Variants in BRSK1 observed in about 807,000 individuals in gnomAD.
The protein encoded by BRSK1 is serine/threonine-protein kinase BRSK1.
A neutral mutation model predicts 86.2 loss-of-function variants in BRSK1; 17 were observed. The observed-to-expected ratio is 0.20, with a 90% CI of 0.14 to 0.30. The LOEUF (loss-of-function observed/expected upper bound fraction) is 0.30, where lower values mean the gene tolerates loss of function less well. Among genes scored for constraint, BRSK1 ranks in the 10% least tolerant of loss-of-function variants. The pLI, the probability that BRSK1 is intolerant of heterozygous loss-of-function variation, is 1.00. For synonymous variants in BRSK1, 464 were observed against 440.1 expected (o/e 1.05, Z -0.68); for missense variants, 719 against 1,071.9 (o/e 0.67, Z 4.60).
At position 55,311,924 on chromosome 19, in the gene BRSK1, G is replaced by A. The variant is rs200101706; in HGVS notation, c.2193G>A (p.Gly731=). 2.5e-6 allele frequency: 4 copies of A among 1,611,696 alleles called. No homozygotes were observed. Among genetic ancestry groups the A allele is most frequent in the Non-Finnish European group, 1.7e-6 (2 of 1,179,190 alleles). The change falls in exon 19 of 19, where the codon GGG becomes GGA. Residue 731 remains glycine, a synonymous_variant. Transcript: ENST00000309383. ...SVQALADEKN[G]AQTRPAGAPP... The stretch of plus-strand genomic sequence containing the variant: ...CCTCCCTTGCAGACGAGAAGAACGG[G>A]GCCCAGACCCGGCCTGCTGGTGCCC...
intron 3 of BRSK1, 22 bp from the exon 4 acceptor site, chr19:55,289,458 C>T (rs1051502760): frequency 6.2e-7 from 1 of 1,605,252 alleles, no homozygotes; most frequent in Non-Finnish European, 8.5e-7. Context: ...TTCCAGCCCT[C>T]TGCCCCCTCT....
At chr19:55,307,246 AT>A (rs2088665304) in intron 17 of BRSK1, among the ~76,000 whole-genome samples, 1 of 152,044 alleles carries the variant, frequency 6.6e-6, no homozygotes. Context: ...ATGACTCTTT[AT>A]TTTTCTGTCC....
Position 55,301,422 on chromosome 19 carries a change from T to G in BRSK1, c.679-90T>G, listed in dbSNP as rs2088567811. 2.7e-6 allele frequency: 4 copies of G among 1,478,476 alleles called. No individual in the cohort carries two copies. The African/African-American group carries it at 5.5e-5, about 20-fold the overall frequency. 91.6% of individuals were successfully genotyped at this position (1,478,476 alleles called of 1,614,324 possible). A position where few individuals can be genotyped will look rare whatever the true frequency, so the allele number is the denominator to read the frequency against. ...CTCTGTGCCTCAGTTTCCAACCCCT[T>G]AAGGTGGAGATCACCGTAGTTCCCC... On this transcript the variant is annotated intron_variant, in intron 7 of 18. Coordinates refer to ENST00000309383, the MANE Select transcript of BRSK1 (RefSeq NM_032430.2).
chr19:55,293,176 A>G (rs1436133412), intron 4 of BRSK1, among the ~76,000 whole-genome samples: 1 of 151,874 alleles, frequency 6.6e-6, no homozygotes, highest in African/African-American at 2.4e-5. Context: ...CCTGGCCAAC[A>G]TGGTGAAACT....
rs1166373709 is a variant in BRSK1, at chr19:55,304,555, C to G, written c.1352C>G (p.Pro451Arg). The G allele has an allele frequency of 3.8e-6, 6 of 1,581,348 alleles. No individual in the cohort carries two copies. In the Admixed American group the frequency reaches 1.1e-4, roughly 29 times the overall value. The part of the protein sequence containing the change: ...SSSPLSSPRS[P>R]VFSFSPEPGA... ...TCAGTCTCCTGTCCTCTGCAGAGTC[C>G]GGTCTTTTCCTTTTCACCGGAGCCG... The change falls in exon 14 of 19, where the codon CCG becomes CGG. Residue 451 changes from proline (P) to arginine (R), a missense_variant. Physicochemically the swap from Pro to Arg is moderately radical, Grantham distance 103. Coordinates refer to ENST00000309383, the MANE Select transcript of BRSK1 (RefSeq NM_032430.2). The surrounding 1 kb of genome is among the most constrained non-coding windows in gnomAD (Gnocchi z 5.2).
chr19:55,304,054 C>T lies in BRSK1; in HGVS notation c.1291C>T (p.Arg431Cys), dbSNP rs1262439727. Residue 431 changes from arginine to cysteine, a missense_variant, in exon 13 of 19, where the codon CGT becomes TGT. Coordinates refer to ENST00000309383, the MANE Select transcript of BRSK1 (RefSeq NM_032430.2). The surrounding 1 kb of genome is among the most constrained non-coding windows in gnomAD (Gnocchi z 5.2). ...TTAAATCTATCCTGGAAACAGATCC[C>T]GTAGCGTCAGTGGAGCCTCCACGGG... is the stretch of plus-strand genomic sequence containing the variant. ...LEMAQHSQRS[R>C]SVSGASTGLS... is the part of the protein sequence containing the mutation. 1.9e-6 allele frequency: 3 copies of T among 1,610,652 alleles called. No homozygotes were observed. Among genetic ancestry groups the T allele is most frequent in the Admixed American group, 1.7e-5 (1 of 59,414 alleles).
chr19:55,284,894 G>A (rs1035624136), intron 1 of BRSK1, among the ~76,000 whole-genome samples: 4 of 150,664 alleles, frequency 2.7e-5, no homozygotes, highest in African/African-American at 9.8e-5. Context: ...AGGGCCTGGG[G>A]GTCTGGACTC....
At position 55,304,924 on chromosome 19, in the gene BRSK1, TG is replaced by T; in HGVS notation, c.1717+9del. 1 of 1,606,358 alleles carries T rather than the reference TG, an allele frequency of 6.2e-7. No individual in the cohort carries two copies. On this transcript the variant is annotated splice_donor_5th_base_variant and intron_variant, in intron 14 of 18. Coordinates refer to ENST00000309383, the MANE Select transcript of BRSK1 (RefSeq NM_032430.2). This position sits in a 1 kb window ranked among gnomAD's most constrained non-coding sequence, Gnocchi z 5.2. ...TTTCACCGGCGCAAGATGCAGGGTA[TG>T]GGGGCATGAACTGCCGAGTCCTAAT...
chr19:55,288,653 T>G (rs2122935368), intron 3 of BRSK1, among the ~76,000 whole-genome samples: 1 of 152,044 alleles, frequency 6.6e-6, no homozygotes, highest in Non-Finnish European at 1.5e-5. Flanking sequence ...TGGCTCGATC[T>G]CGGCTCACCA....
intron 17 of BRSK1, among the ~76,000 whole-genome samples, chr19:55,307,715 C>T (rs921818923): frequency 1.4e-5 from 2 of 144,748 alleles, no homozygotes; most frequent in Admixed American, 7.1e-5. Context: ...ACATAATGGA[C>T]CTCATCTCTA....
intron 18 of BRSK1, 44 bp downstream of exon 18, chr19:55,308,772 G>A (rs2088710696): frequency 7.7e-6 from 2 of 261,260 alleles, no homozygotes; most frequent in Middle Eastern, 1.2e-3. Flanking sequence ...GGGTGGCGGG[G>A]GCCGTGGGTG....
intron 18 of BRSK1, 152 bp from the exon 19 acceptor site, chr19:55,311,759 G>T: frequency 1.3e-6 from 1 of 791,060 alleles, no homozygotes; most frequent in Non-Finnish European, 2.0e-6. Flanking sequence ...TCAAGGCCAG[G>T]TGCTGGACGG....
At position 55,312,490 on chromosome 19, in the gene BRSK1, C is replaced by T. The variant is rs12985360; in HGVS notation, c.*422C>T. 21 of 137,574 alleles carry T rather than the reference C, an allele frequency of 1.5e-4. No homozygotes were observed. In the East Asian group the frequency reaches 2.7e-3, roughly 18 times the overall value. 8.5% of individuals were successfully genotyped at this position (137,574 alleles called of 1,614,324 possible). On this transcript the variant is annotated 3_prime_UTR_variant, in exon 19 of 19. Coordinates refer to ENST00000309383, the MANE Select transcript of BRSK1 (RefSeq NM_032430.2). ...TGCTCTCCGGAAGGAATTCTGGTTT[C>T]GCGTGATCCTGCCTGCGTCCGTGTC...
rs756168876 is a variant in BRSK1 at position 55,302,902 on chromosome 19, C to T, written c.1028+35C>T. On this transcript the variant is annotated intron_variant, in intron 10 of 18. Transcript: ENST00000309383. The surrounding 1 kb of genome is among the most constrained non-coding windows in gnomAD (Gnocchi z 6.3). The stretch of plus-strand genomic sequence containing the variant: ...CAAGACCCCTGCACCCGTGTACCCA[C>T]GTGGGGCGAGCTGCAGCAGCTCCCT... 6.1e-5 allele frequency: 97 copies of T among 1,591,152 alleles called. No homozygotes were observed. The highest frequency in any genetic ancestry group is 8.1e-5 in the Non-Finnish European group (94 of 1,164,168).
intron 18 of BRSK1, among the ~76,000 whole-genome samples, chr19:55,309,769 A>G (rs893654463): frequency 1.3e-5 from 2 of 152,244 alleles, no homozygotes; most frequent in Non-Finnish European, 2.9e-5. Flanking sequence ...CACTCGCCCA[A>G]GCAACCAGAG....
At chr19:55,291,724 G>A (rs1046795918) in intron 4 of BRSK1, among the ~76,000 whole-genome samples, 21 of 152,134 alleles carry the variant, frequency 1.4e-4, no homozygotes, top group Admixed American at 1.4e-3. Context: ...GGTAAAGCTT[G>A]ATGATAAAAA....
chr19:55,304,796 C>A lies in BRSK1; in HGVS notation c.1593C>A (p.Thr531=), dbSNP rs1378119883. 1 of 1,569,284 alleles carries A rather than the reference C, an allele frequency of 6.4e-7. No individual in the cohort carries two copies. The highest frequency in any genetic ancestry group is 8.6e-7 in the Non-Finnish European group (1 of 1,161,510). Residue 531 remains threonine, a synonymous_variant, in exon 14 of 19, where the codon ACC becomes ACA. Coordinates refer to ENST00000309383, the MANE Select transcript of BRSK1 (RefSeq NM_032430.2). This position sits in a 1 kb window ranked among gnomAD's most constrained non-coding sequence, Gnocchi z 5.2. ...LHTPRASPTG[T]PGTTPPPSPG... is the part of the protein sequence containing the mutation. ...CGCCCCGGGCCAGTCCCACCGGGAC[C>A]CCGGGGACAACACCACCCCCCAGCC... is the stretch of plus-strand genomic sequence containing the variant.
intron 18 of BRSK1, among the ~76,000 whole-genome samples, chr19:55,311,297 G>A (rs377468156): frequency 2.6e-5 from 4 of 152,126 alleles, no homozygotes; most frequent in East Asian, 3.9e-4. Flanking sequence ...CGAGGTCTCC[G>A]CCACGGGACC....
intron 4 of BRSK1, among the ~76,000 whole-genome samples, chr19:55,291,882 C>G (rs1190430459): frequency 1.3e-5 from 2 of 152,184 alleles, no homozygotes; most frequent in Non-Finnish European, 2.9e-5. Context: ...TCTCAACCTT[C>G]CGAGTACCTG....
Sources: gnomAD v4.1 joint callset for allele counts (sites outside exome capture counted in the v4.1 genomes callset) on GRCh38, gnomAD v4.1.1 for gene constraint, Gnocchi (gnomAD v3.1) non-coding constraint, MANE v1.5 for transcripts, NCBI Gene and HGNC (gene_info 2026-07-23, HGNC 2026-07-21) for gene names.